TESK2: variants seen among roughly 807,000 people sequenced by gnomAD.
TESK2 encodes the protein testis associated actin remodelling kinase 2.
TESK2 carries 39 observed loss-of-function variants against 57.1 expected under a neutral mutation model. That is an observed-to-expected ratio of 0.68 (90% CI 0.53 to 0.89). The LOEUF is 0.89. TESK2 is among the 40% of genes least tolerant of loss of function. The pLI is 0.00. For synonymous variants in TESK2, 249 were observed against 267.9 expected (o/e 0.93, Z 0.69); for missense variants, 646 against 732.1 (o/e 0.88, Z 1.36).
At chr1:45,413,976 T>TA in intron 3 of TESK2, 1 of 359,160 alleles carries the variant, frequency 2.8e-6, no homozygotes, top group Non-Finnish European at 5.6e-6. Flanking sequence ...AGCAAATTGC[T>TA]AAGACAACCA....
In TESK2 at chr1:45,457,998, T is replaced by C. The variant is rs1211580747; in HGVS notation, c.-86-127A>G. The C allele has an allele frequency of 1.7e-5, 9 of 517,676 alleles. No homozygotes were observed. In the East Asian group the frequency reaches 3.1e-4, roughly 18 times the overall value. The allele number at this position is 517,676 out of a possible 1,614,324, so 32.1% of individuals were successfully genotyped here. ...CTGGTTTTCAGATCTAAAAAATGTT[T>C]TATGTCTTTACCCTCAAATAACACT... On this transcript the variant is annotated intron_variant, in intron 1 of 10. Transcript: ENST00000372086.
intron 6 of TESK2, 79 bp downstream of exon 6, chr1:45,347,839 C>T (rs755729399): frequency 2.9e-4 from 420 of 1,456,294 alleles, no homozygotes; most frequent in Non-Finnish European, 3.8e-4. Flanking sequence ...AAGTCCTGGC[C>T]TCTGGGGAGG....
intron 2 of TESK2, among the ~76,000 whole-genome samples, chr1:45,451,467 A>T (rs1454534078): frequency 6.6e-6 from 1 of 152,134 alleles, no homozygotes; most frequent in Non-Finnish European, 1.5e-5. Flanking sequence ...CCTTGATTTG[A>T]TTTGGGAAGC....
chr1:45,466,547 G>T (rs1652560929), intron 1 of TESK2, among the ~76,000 whole-genome samples: 1 of 151,794 alleles, frequency 6.6e-6, no homozygotes, highest in Admixed American at 6.6e-5. Context: ...TACTCAGGAG[G>T]CTGAGGCAGA....
chr1:45,376,369 C>T (rs1648426902), intron 4 of TESK2, among the ~76,000 whole-genome samples: 1 of 148,336 alleles, frequency 6.7e-6, no homozygotes, highest in Admixed American at 6.9e-5. Flanking sequence ...GCCCCCGCCA[C>T]CACGTCTGGC....
In TESK2 at chr1:45,491,125, G is replaced by A. The variant is rs1557594476; in HGVS notation, c.-360C>T. ...ACGATCCGACCAGCGAAGCCAACAG[G>A]GCAGCTGGTAGCTCTGCTGAGCTCC... On this transcript the variant is annotated 5_prime_UTR_variant, in exon 1 of 11. Coordinates refer to ENST00000372086, the MANE Select transcript of TESK2 (RefSeq NM_007170.3). 2 of 152,286 alleles carry A rather than the reference G, an allele frequency of 1.3e-5. No individual in the cohort carries two copies. The highest frequency in any genetic ancestry group is 2.4e-5 in the African/African-American group (1 of 41,462). 9.4% of individuals were successfully genotyped at this position (152,286 alleles called of 1,614,324 possible).
chr1:45,484,595 G>A (rs543544475), intron 1 of TESK2, among the ~76,000 whole-genome samples: 8 of 151,828 alleles, frequency 5.3e-5, no homozygotes, highest in African/African-American at 1.7e-4. Context: ...AATTAGCCGG[G>A]CGTGGTGGTG....
Position 45,346,994 on chromosome 1 carries a change from A to G in TESK2, c.777T>C (p.Tyr259=), listed in dbSNP as rs1437898441. 1 of 1,614,222 alleles carries G rather than the reference A, an allele frequency of 6.2e-7. No individual in the cohort carries two copies. The highest frequency in any genetic ancestry group is 1.7e-5 in the Admixed American group (1 of 60,020). ...IIARIQADPD[Y]LPRTENFGLD... ...TGCAGCTCACCTCTGTGCGGGGAAG[A>G]TAGTCCGGATCGGCCTGGATGCGGG... The change falls in exon 8 of 11, where the codon TAT becomes TAC. Residue 259 remains tyrosine, a synonymous_variant. Coordinates refer to ENST00000372086, the MANE Select transcript of TESK2 (RefSeq NM_007170.3).
chr1:45,390,232 A>G (rs865997861), intron 3 of TESK2, among the ~76,000 whole-genome samples: 1 of 152,200 alleles, frequency 6.6e-6, no homozygotes, highest in African/African-American at 2.4e-5. Flanking sequence ...GGAGATCAAG[A>G]CCAGCCTGGA....
intron 7 of TESK2, 91 bp from the exon 8 acceptor site, chr1:45,347,153 T>TA: frequency 8.8e-7 from 1 of 1,139,428 alleles, no homozygotes; most frequent in Non-Finnish European, 1.3e-6. Context: ...CCCCACCATC[T>TA]AACAGCCCAG....
At chr1:45,476,939 T>C (rs574591249) in intron 1 of TESK2, among the ~76,000 whole-genome samples, 2 of 151,456 alleles carry the variant, frequency 1.3e-5, no homozygotes, top group East Asian at 1.9e-4. Flanking sequence ...GAGCCCAGGA[T>C]TACAGACAGG....
chr1:45,445,624 CAAAAAA>C (rs747691865), intron 2 of TESK2, among the ~76,000 whole-genome samples: 1 of 108,092 alleles, frequency 9.3e-6, no homozygotes. Context: ...CTGTCTCTAC[CAAAAAA>C]AAAAAAAAAA....
chr1:45,368,957 G>T (rs1442717641), intron 4 of TESK2, among the ~76,000 whole-genome samples: 4 of 143,074 alleles, frequency 2.8e-5, no homozygotes, highest in East Asian at 4.5e-4. Context: ...GTTTCACCAT[G>T]TTGGTCAGGC....
intron 9 of TESK2, 46 bp downstream of exon 9, chr1:45,346,647 G>C (rs1340269256): frequency 1.3e-6 from 2 of 1,532,332 alleles, no homozygotes; most frequent in Non-Finnish European, 9.0e-7. Context: ...AGGTGAAAAG[G>C]GTTCAGCCAG....
intron 2 of TESK2, among the ~76,000 whole-genome samples, chr1:45,427,972 G>A (rs1309476808): frequency 1.3e-5 from 2 of 152,056 alleles, no homozygotes; most frequent in Non-Finnish European, 2.9e-5. Context: ...ATCCCAATGT[G>A]ATTATTACAC....
At chr1:45,363,633 A>T (rs368071627) in intron 4 of TESK2, among the ~76,000 whole-genome samples, 5 of 152,270 alleles carry the variant, frequency 3.3e-5, no homozygotes, top group African/African-American at 1.2e-4. Flanking sequence ...ATTCCATTTC[A>T]TGGTAACCCA....
chr1:45,457,579 A>G lies in TESK2; in HGVS notation c.207T>C (p.Phe69=), dbSNP rs990078842. ...ACTCACTCACCTTGAACACTTCAGA[A>G]AAGAAGCCAGACCCTATTTTTTCAC... ...FTCEKIGSGF[F]SEVFKVRHRA... is the part of the protein sequence containing the mutation. Residue 69 remains phenylalanine, a synonymous_variant, in exon 2 of 11, where the codon TTT becomes TTC. Transcript: ENST00000372086. The G allele has an allele frequency of 1.2e-6, 2 of 1,613,910 alleles. No homozygotes were observed. The highest frequency in any genetic ancestry group is 1.7e-6 in the Non-Finnish European group (2 of 1,179,976).
At chr1:45,405,912 A>G (rs1318071637) in intron 3 of TESK2, among the ~76,000 whole-genome samples, 15 of 151,702 alleles carry the variant, frequency 9.9e-5, no homozygotes, top group Admixed American at 9.9e-4. Context: ...AAATAAGAAA[A>G]ATTAAAAGAA....
intron 2 of TESK2, among the ~76,000 whole-genome samples, chr1:45,453,120 G>T (rs1651936972): frequency 6.6e-6 from 1 of 151,958 alleles, no homozygotes; most frequent in Non-Finnish European, 1.5e-5. Context: ...GCAGAGGCAG[G>T]CTGATCACCT....
Sources: allele counts gnomAD v4.1 joint callset (sites outside exome capture counted in the v4.1 genomes callset), GRCh38; gene constraint gnomAD v4.1.1; transcripts MANE v1.5; gene names NCBI Gene and HGNC (gene_info 2026-07-23, HGNC 2026-07-21).